Variants in MAN1C1 observed in about 807,000 individuals in gnomAD.
MAN1C1 encodes the protein mannosyl-oligosaccharide 1,2-alpha-mannosidase IC.
In MAN1C1, 49 loss-of-function variants were observed where a neutral mutation model predicts 71.5. The ratio of observed to expected loss-of-function variants is 0.69; its 90% confidence interval spans 0.54 to 0.87. The LOEUF (loss-of-function observed/expected upper bound fraction) is 0.87. MAN1C1 is among the 40% of genes least tolerant of loss of function. MAN1C1 has a pLI of 0.00. For missense variants in MAN1C1, 743 were observed against 835.0 expected (o/e 0.89, Z 1.36); for synonymous variants, 352 against 343.7 (o/e 1.02, Z -0.27).
intron 2 of MAN1C1, among the ~76,000 whole-genome samples, chr1:25,687,203 G>T (rs2046244788): frequency 1.3e-5 from 2 of 152,194 alleles, no homozygotes; most frequent in Non-Finnish European, 2.9e-5. Context: ...CAGGAGCGGG[G>T]GCATGGGGCA....
intron 1 of MAN1C1, among the ~76,000 whole-genome samples, chr1:25,677,392 A>G (rs565881805): frequency 9.3e-5 from 14 of 150,070 alleles, no homozygotes; most frequent in Non-Finnish European, 1.9e-4. Flanking sequence ...ATCTAGAGCC[A>G]CCCTCTATCT....
intron 1 of MAN1C1, chr1:25,645,479 A>C (rs1022424440): frequency 6.6e-6 from 1 of 152,224 alleles, no homozygotes; most frequent in Non-Finnish European, 1.5e-5. Context: ...CTGAAGATTC[A>C]CAGGCTAGCT....
At chr1:25,781,230 A>G in intron 10 of MAN1C1, 118 bp downstream of exon 10, 1 of 1,099,692 alleles carries the variant, frequency 9.1e-7, no homozygotes, top group Non-Finnish European at 1.3e-6. Context: ...TTGACCTCTG[A>G]CCACAGTTCA....
Position 25,735,141 on chromosome 1 carries a change from G to C in MAN1C1, c.638-11527G>C, listed in dbSNP as rs533230004. ...GATTAAGACATAGGCGGCCAGTCGC[G>C]GTGGCTCACGCCTGTTATCCCAGGC... On this transcript the variant is annotated intron_variant, in intron 2 of 11. Transcript: ENST00000374332. The surrounding 1 kb of genome is among the most constrained non-coding windows in gnomAD (Gnocchi z 4.6). Among the ~76,000 whole-genome samples the C allele has an allele frequency of 4.6e-5, 7 of 152,300 alleles. No individual in the cohort carries two copies. In the East Asian group the frequency reaches 7.7e-4, roughly 17 times the overall value.
Position 25,618,155 on chromosome 1 carries a change from G to T in MAN1C1, c.358G>T (p.Glu120Ter). Residue 120 changes from glutamate (E) to a stop codon, truncating the protein, a stop_gained, in exon 1 of 12, where the codon GAG (glutamate) becomes TAG (stop). Transcript: ENST00000374332. LOFTEE classifies it high-confidence loss of function. ...CACCCGCCCCACTGGACCCCGCGAGGAGGCCACGGCGGCCCGGGGCAATAG... is the reference window on the plus strand; with the variant it reads ...CACCCGCCCCACTGGACCCCGCGAGTAGGCCACGGCGGCCCGGGGCAATAG... ...RRTRPTGPRE[E>*]ATAARGNSIP... The T allele has an allele frequency of 6.5e-7, 1 of 1,541,978 alleles. No homozygotes were observed. The highest frequency in any genetic ancestry group is 8.7e-7 in the Non-Finnish European group (1 of 1,150,850).
chr1:25,745,527 A>AAAAG (rs536697287), intron 2 of MAN1C1, among the ~76,000 whole-genome samples: 143 of 152,114 alleles, frequency 9.4e-4, no homozygotes, highest in Middle Eastern at 6.8e-3. Flanking sequence ...AATTTACTTA[A>AAAAG]AAAGAAAGAA....
At chr1:25,741,683 G>A (rs1460557184) in intron 2 of MAN1C1, among the ~76,000 whole-genome samples, 1 of 152,192 alleles carries the variant, frequency 6.6e-6, no homozygotes, top group Non-Finnish European at 1.5e-5. Context: ...CATTGGGGCT[G>A]GGGAAGACCC....
At position 25,778,697 on chromosome 1, in the gene MAN1C1, G is replaced by A. The variant is rs1399542793; in HGVS notation, c.1477+373G>A. On this transcript the variant is annotated intron_variant, in intron 9 of 11. Coordinates refer to ENST00000374332, the MANE Select transcript of MAN1C1 (RefSeq NM_020379.4). The surrounding 1 kb of genome is among the most constrained non-coding windows in gnomAD (Gnocchi z 5.5). ...GCAGAAACGGCGGCTTCCTGAGCCC[G>A]GCACATGTCCCACCCTGAGTCTCCT... Among the ~76,000 whole-genome samples, 1 of 152,068 alleles carries A rather than the reference G, an allele frequency of 6.6e-6. No homozygotes were observed. Among genetic ancestry groups the A allele is most frequent in the Non-Finnish European group, 1.5e-5 (1 of 68,014 alleles).
Position 25,775,070 on chromosome 1 carries a change from C to T in MAN1C1, c.1258-3035C>T, listed in dbSNP as rs970749500. Reference sequence around the variant, plus strand: ...CCCAGTGGAAATAATGTGTGGGAGGCGGTCTGGAAGGTGCAGGTGCCAGGT... The same window carrying T: ...CCCAGTGGAAATAATGTGTGGGAGGTGGTCTGGAAGGTGCAGGTGCCAGGT... On this transcript the variant is annotated intron_variant, in intron 8 of 11. Transcript: ENST00000374332. This position sits in a 1 kb window ranked among gnomAD's most constrained non-coding sequence, Gnocchi z 5.1. 3.9e-5 allele frequency among the ~76,000 whole-genome samples: 6 copies of T among 152,208 alleles called. No individual in the cohort carries two copies. The highest frequency in any genetic ancestry group is 8.8e-5 in the Non-Finnish European group (6 of 68,042).
chr1:25,653,533 C>T (rs1290634534), intron 1 of MAN1C1, among the ~76,000 whole-genome samples: 1 of 152,210 alleles, frequency 6.6e-6, no homozygotes, highest in Non-Finnish European at 1.5e-5. Flanking sequence ...GGAGGAGGAC[C>T]TCTGGCTTCT....
At chr1:25,740,669 C>G (rs181082775) in intron 2 of MAN1C1, among the ~76,000 whole-genome samples, 1 of 152,110 alleles carries the variant, frequency 6.6e-6, no homozygotes, top group Admixed American at 6.5e-5. Flanking sequence ...ATCTCCTGAC[C>G]TCGTGATCCA....
At chr1:25,678,662 T>C (rs1279087622) in intron 1 of MAN1C1, among the ~76,000 whole-genome samples, 2 of 152,182 alleles carry the variant, frequency 1.3e-5, no homozygotes, top group East Asian at 3.8e-4. Context: ...TTATTTACAA[T>C]AGCCCCAAAC....
At chr1:25,671,687 G>A (rs942298665) in intron 1 of MAN1C1, among the ~76,000 whole-genome samples, 3 of 152,162 alleles carry the variant, frequency 2.0e-5, no homozygotes, top group East Asian at 1.9e-4. Context: ...TGGCATGTAC[G>A]AAGGCCGTGA....
intron 2 of MAN1C1, among the ~76,000 whole-genome samples, chr1:25,698,640 G>T (rs574050492): frequency 6.1e-4 from 93 of 152,230 alleles, no homozygotes; most frequent in African/African-American, 2.0e-3. Context: ...ACTCATTCTT[G>T]GAGGGGTGAG....
In MAN1C1 at chr1:25,682,819, C is replaced by A. The variant is rs1254573101; in HGVS notation, c.541-3621C>A. Among the ~76,000 whole-genome samples the A allele has an allele frequency of 4.6e-5, 7 of 152,116 alleles. No individual in the cohort carries two copies. The East Asian group carries it at 1.3e-3, about 29-fold the overall frequency. On this transcript the variant is annotated intron_variant, in intron 1 of 11. Transcript: ENST00000374332. ...TTGGGAGGCCGAGGCGGGCAAATCACTTGAGGTCAGGAGTTTGAGACCAAC... is the reference window on the plus strand; with the variant it reads ...TTGGGAGGCCGAGGCGGGCAAATCAATTGAGGTCAGGAGTTTGAGACCAAC...
chr1:25,706,155 G>C (rs1014061362), intron 2 of MAN1C1, among the ~76,000 whole-genome samples: 2 of 152,162 alleles, frequency 1.3e-5, no homozygotes, highest in Non-Finnish European at 2.9e-5. Context: ...TAGCCTTGCT[G>C]CATGGTATAA....
intron 2 of MAN1C1, among the ~76,000 whole-genome samples, chr1:25,714,504 T>C (rs1019115153): frequency 5.9e-5 from 9 of 152,130 alleles, no homozygotes; most frequent in African/African-American, 2.2e-4. Context: ...TCCTCAAGCA[T>C]TGATTTTTGT....
chr1:25,729,841 G>A (rs1231762087), intron 2 of MAN1C1, among the ~76,000 whole-genome samples: 1 of 152,066 alleles, frequency 6.6e-6, no homozygotes. Context: ...AGGAACCCAG[G>A]TCTGTGAGGA....
chr1:25,741,986 G>A (rs570565469), intron 2 of MAN1C1, among the ~76,000 whole-genome samples: 3 of 152,298 alleles, frequency 2.0e-5, no homozygotes, highest in African/African-American at 7.2e-5. Flanking sequence ...TTGACCTCAA[G>A]GGGCTCACAG....
Sources: gnomAD v4.1 joint callset for allele counts (sites outside exome capture counted in the v4.1 genomes callset) on GRCh38, gnomAD v4.1.1 for gene constraint, Gnocchi (gnomAD v3.1) non-coding constraint, MANE v1.5 for transcripts, NCBI Gene and HGNC (gene_info 2026-07-23, HGNC 2026-07-21) for gene names.